CHFR: variants seen among roughly 807,000 people sequenced by gnomAD.
The protein encoded by CHFR is checkpoint with forkhead and ring finger domains, also known as E3 ubiquitin-protein ligase CHFR.
CHFR carries 57 observed loss-of-function variants against 87.6 expected under a neutral mutation model. The ratio of observed to expected loss-of-function variants is 0.65; its 90% CI spans 0.53 to 0.81. CHFR has a LOEUF of 0.81. CHFR is among the 30% of genes least tolerant of loss of function. The pLI is 0.00. For missense variants in CHFR, 797 were observed against 865.8 expected, an observed-to-expected ratio of 0.92 and a Z score of 1.00; for synonymous variants, 381 against 359.2, an observed-to-expected ratio of 1.06 and a Z score of -0.69.
chr12:132,854,416 C>G (rs888652566), intron 10 of CHFR: 1 of 152,264 alleles, frequency 6.6e-6, no homozygotes, highest in Admixed American at 6.5e-5. Flanking sequence ...ATTGACGTCA[C>G]TGCGCATGTG....
intron 6 of CHFR, 85 bp downstream of exon 6, chr12:132,869,534 T>A: frequency 7.7e-7 from 1 of 1,300,916 alleles, no homozygotes; most frequent in Non-Finnish European, 1.1e-6. Flanking sequence ...CTCAGTCGCT[T>A]ATCTGCCTCT....
intron 8 of CHFR, among the ~76,000 whole-genome samples, chr12:132,858,864 ATC>A (rs1311972571): frequency 6.7e-6 from 1 of 148,942 alleles, no homozygotes; most frequent in Non-Finnish European, 1.5e-5. Context: ...GAACCGCTCA[ATC>A]CTGGGAGGGA....
intron 2 of CHFR, among the ~76,000 whole-genome samples, chr12:132,880,420 G>A (rs1266548067): frequency 6.6e-6 from 1 of 152,124 alleles, no homozygotes; most frequent in African/African-American, 2.4e-5. Flanking sequence ...ACTTTGGGAG[G>A]CCAAGGGGGG....
At chr12:132,884,747 T>C (rs1473057200) in intron 2 of CHFR, among the ~76,000 whole-genome samples, 1 of 152,098 alleles carries the variant, frequency 6.6e-6, no homozygotes, top group African/African-American at 2.4e-5. Flanking sequence ...AGGAACCCAA[T>C]CTGCCAACAC....
intron 5 of CHFR, among the ~76,000 whole-genome samples, chr12:132,870,257 C>T (rs111747038): frequency 0.15 from 23,051 of 151,996 alleles, 2,261 homozygotes; most frequent in South Asian, 0.22. Flanking sequence ...GAGGCTGAGG[C>T]AGGAGAATGG....
chr12:132,887,157 G>GCCCGGC (rs772621871), intron 2 of CHFR, 39 bp downstream of exon 2: 42 of 1,442,916 alleles, frequency 2.9e-5, no homozygotes, highest in Non-Finnish European at 3.4e-5. Flanking sequence ...CGGTGGCTCT[G>GCCCGGC]CCCGGCCCCG....
intron 6 of CHFR, chr12:132,861,889 C>A: frequency 2.1e-6 from 1 of 477,444 alleles, no homozygotes; most frequent in East Asian, 3.5e-5. Flanking sequence ...ATGTCTGTGA[C>A]CAGGCTTAGC....
At chr12:132,843,513 A>G (rs1048799616) in intron 16 of CHFR, among the ~76,000 whole-genome samples, 1 of 152,216 alleles carries the variant, frequency 6.6e-6, no homozygotes, top group African/African-American at 2.4e-5. Context: ...TGTCTTTACA[A>G]ATCTGTTTTA....
At chr12:132,853,218 C>T (rs913639409) in intron 11 of CHFR, among the ~76,000 whole-genome samples, 4 of 152,168 alleles carry the variant, frequency 2.6e-5, no homozygotes, top group Admixed American at 6.5e-5. Context: ...GGAGGGGCTA[C>T]GAATGAACAG....
chr12:132,869,932 G>A (rs1951446026), intron 5 of CHFR, 134 bp from the exon 6 acceptor site: 1 of 1,047,194 alleles, frequency 9.5e-7, no homozygotes, highest in Non-Finnish European at 1.4e-6. Context: ...CCCAAGGCCA[G>A]GCACGGTGGT....
At position 132,835,779 on chromosome 12, in the gene CHFR, G is replaced by A. The variant is rs542089538; in HGVS notation, c.*5775C>T. 3.7e-4 allele frequency: 120 copies of A among 322,110 alleles called. No individual in the cohort carries two copies. Among genetic ancestry groups the A allele is most frequent in the African/African-American group, 2.5e-3 (107 of 43,534 alleles). The allele number at this position is 322,110 out of a possible 1,614,324, so 20.0% of individuals were successfully genotyped here. ...ATTCAAGGCCAGCACTGGGCAGGGC[G>A]GGTCTCACAAATGCATGCTCCCAGC... On this transcript the variant is annotated 3_prime_UTR_variant, in exon 18 of 18. Coordinates refer to ENST00000450056, the MANE Select transcript of CHFR (RefSeq NM_001161346.2).
chr12:132,881,633 C>T (rs1432522033), intron 2 of CHFR, among the ~76,000 whole-genome samples: 3 of 151,936 alleles, frequency 2.0e-5, no homozygotes, highest in African/African-American at 4.8e-5. Context: ...TTTGGGAGGC[C>T]GAGGCGGGCG....
At chr12:132,848,562 C>T in intron 13 of CHFR, 79 bp downstream of exon 13, 1 of 1,093,338 alleles carries the variant, frequency 9.1e-7, no homozygotes, top group Non-Finnish European at 1.4e-6. Flanking sequence ...GGCTATGGAC[C>T]CCACCATCCC....
intron 2 of CHFR, among the ~76,000 whole-genome samples, chr12:132,881,944 T>C (rs1172668481): frequency 6.6e-6 from 1 of 151,426 alleles, no homozygotes; most frequent in African/African-American, 2.4e-5. Context: ...ACTCTCGTAC[T>C]GTGCTGTGGG....
At chr12:132,853,679 A>G (rs902210721) in intron 10 of CHFR, 106 bp from the exon 11 acceptor site, 43 of 1,339,968 alleles carry the variant, frequency 3.2e-5, no homozygotes, top group Non-Finnish European at 3.8e-5. Context: ...ACCGTCGCTC[A>G]GCTGCTTGGT....
intron 15 of CHFR, among the ~76,000 whole-genome samples, chr12:132,845,133 A>G (rs997742268): frequency 6.6e-6 from 1 of 152,162 alleles, no homozygotes; most frequent in Non-Finnish European, 1.5e-5. Flanking sequence ...CATTTGCAAC[A>G]CAAATGAAAA....
chr12:132,844,414 A>G (rs1479451137), intron 15 of CHFR, among the ~76,000 whole-genome samples: 1 of 151,766 alleles, frequency 6.6e-6, no homozygotes, highest in Non-Finnish European at 1.5e-5. Flanking sequence ...CCTCCTGAGT[A>G]GCTGGGACTA....
chr12:132,842,071 TATACTCC>T (rs1950713827), intron 17 of CHFR, among the ~76,000 whole-genome samples: 1 of 77,786 alleles, frequency 1.3e-5, no homozygotes. Flanking sequence ...ATCACACCTC[TATACTCC>T]AGCCTGGCAG....
intron 15 of CHFR, among the ~76,000 whole-genome samples, chr12:132,846,192 C>T (rs1001512314): frequency 6.6e-6 from 1 of 151,906 alleles, no homozygotes; most frequent in African/African-American, 2.4e-5. Context: ...TAGTGGCAGT[C>T]GGCCACACCC....
Sources: gnomAD v4.1 joint callset for allele counts (sites outside exome capture counted in the v4.1 genomes callset) on GRCh38, gnomAD v4.1.1 for gene constraint, MANE v1.5 for transcripts, NCBI Gene and HGNC (gene_info 2026-07-23, HGNC 2026-07-21) for gene names.